MSH3: variants seen among roughly 807,000 people sequenced by gnomAD.
MSH3 encodes the protein mutS homolog 3, also known as DNA mismatch repair protein Msh3.
In MSH3, 106 loss-of-function variants were observed where a neutral mutation model predicts 123.3. The observed-to-expected ratio is 0.86, with a 90% CI of 0.73 to 1.01. The LOEUF (loss-of-function observed/expected upper bound fraction) is 1.01, where lower values mean the gene tolerates loss of function less well. MSH3 is among the 50% of genes least tolerant of loss of function. The pLI is 0.00. For synonymous variants in MSH3, 515 were observed against 481.4 expected (o/e 1.07, Z -0.91); for missense variants, 1,459 against 1,347.6 (o/e 1.08, Z -1.29).
intron 21 of MSH3, among the ~76,000 whole-genome samples, chr5:80,859,418 A>G (rs1371782539): frequency 6.6e-6 from 1 of 152,072 alleles, no homozygotes; most frequent in East Asian, 1.9e-4. Context: ...GAGCCACCTC[A>G]CCTAGCCCCT....
chr5:80,737,395 A>G (rs138530842), intron 10 of MSH3, among the ~76,000 whole-genome samples: 2 of 152,190 alleles, frequency 1.3e-5, no homozygotes, highest in Non-Finnish European at 2.9e-5. Flanking sequence ...TTTGACAAAG[A>G]TGTTTCCCTC....
At chr5:80,790,429 T>C (rs908521683) in intron 18 of MSH3, among the ~76,000 whole-genome samples, 6 of 152,214 alleles carry the variant, frequency 3.9e-5, no homozygotes, top group African/African-American at 1.4e-4. Flanking sequence ...TTTATTGGAT[T>C]GTTTTATAAA....
chr5:80,847,896 C>T (rs1745751754), intron 20 of MSH3, among the ~76,000 whole-genome samples: 1 of 152,164 alleles, frequency 6.6e-6, no homozygotes. Flanking sequence ...TTTCTCATTG[C>T]TGTTCTCAGA....
At chr5:80,818,237 A>G (rs941736802) in intron 20 of MSH3, among the ~76,000 whole-genome samples, 1 of 152,014 alleles carries the variant, frequency 6.6e-6, no homozygotes, top group Non-Finnish European at 1.5e-5. Context: ...ATCAAACTGA[A>G]ACTGTTCAGA....
Position 80,747,385 on chromosome 5 carries a change from A to G in MSH3, c.1763+2770A>G, listed in dbSNP as rs556733981. 6.6e-5 allele frequency among the ~76,000 whole-genome samples: 10 copies of G among 152,286 alleles called. No homozygotes were observed. The South Asian group carries it at 1.9e-3, about 28-fold the overall frequency. ...TCTCTGGGGATCCTACCTTCCCAGAAAGGCAGAGAGAAAATATGCCAGGCA... is the reference window on the plus strand; with the variant it reads ...TCTCTGGGGATCCTACCTTCCCAGAGAGGCAGAGAGAAAATATGCCAGGCA... On this transcript the variant is annotated intron_variant, in intron 12 of 23. Coordinates refer to ENST00000265081, the MANE Select transcript of MSH3 (RefSeq NM_002439.5).
At chr5:80,668,923 C>T (rs1226246249) in intron 3 of MSH3, among the ~76,000 whole-genome samples, 1 of 152,226 alleles carries the variant, frequency 6.6e-6, no homozygotes, top group Non-Finnish European at 1.5e-5. Flanking sequence ...CCATTTCTGG[C>T]TCCTGTCGGT....
intron 19 of MSH3, among the ~76,000 whole-genome samples, chr5:80,798,787 G>C (rs1216652257): frequency 6.6e-6 from 1 of 152,174 alleles, no homozygotes; most frequent in South Asian, 2.1e-4. Flanking sequence ...CTGCACTGCT[G>C]TCTCTGCCCA....
chr5:80,782,032 C>T (rs1320960994), intron 17 of MSH3, among the ~76,000 whole-genome samples: 2 of 152,084 alleles, frequency 1.3e-5, no homozygotes, highest in Non-Finnish European at 2.9e-5. Flanking sequence ...GCACAGCATA[C>T]AGACTTTTAT....
In MSH3 at chr5:80,728,968, A is replaced by G. The variant is rs923864884; in HGVS notation, c.1568+3A>G. ...GAAAAGATGCTCTCCAAACCTGAGT[A>G]AGTGATTCCTCCAAAATTAAAAAAA... On this transcript the variant is annotated splice_donor_region_variant and intron_variant, in intron 10 of 23. Coordinates refer to ENST00000265081, the MANE Select transcript of MSH3 (RefSeq NM_002439.5). 9 of 1,490,714 alleles carry G rather than the reference A, an allele frequency of 6.0e-6. No homozygotes were observed. In the African/African-American group the frequency reaches 6.9e-5, roughly 11 times the overall value. 92.3% of individuals were successfully genotyped at this position (1,490,714 alleles called of 1,614,324 possible).
At chr5:80,722,274 T>C (rs1437036073) in intron 8 of MSH3, among the ~76,000 whole-genome samples, 1 of 152,192 alleles carries the variant, frequency 6.6e-6, no homozygotes, top group Non-Finnish European at 1.5e-5. Context: ...TTTTCAGTTT[T>C]ATGTAGAGAC....
intron 20 of MSH3, among the ~76,000 whole-genome samples, chr5:80,824,925 T>TA (rs1745267203): frequency 6.6e-6 from 1 of 152,184 alleles, no homozygotes; most frequent in South Asian, 2.1e-4. Flanking sequence ...TGCCCTTTAG[T>TA]ATATGGGACA....
intron 3 of MSH3, among the ~76,000 whole-genome samples, chr5:80,669,655 T>C (rs1447862455): frequency 6.6e-6 from 1 of 152,186 alleles, no homozygotes; most frequent in Non-Finnish European, 1.5e-5. Context: ...GTATAAAACA[T>C]TAAGTGCAGC....
intron 8 of MSH3, among the ~76,000 whole-genome samples, chr5:80,680,260 CA>C (rs928920459): frequency 3.0e-3 from 393 of 131,698 alleles, no homozygotes; most frequent in Non-Finnish European, 2.7e-3. Context: ...ACTCTTATCT[CA>C]AAAAAAAAAA....
intron 19 of MSH3, among the ~76,000 whole-genome samples, chr5:80,797,193 C>T (rs576860657): frequency 6.6e-6 from 1 of 152,130 alleles, no homozygotes; most frequent in Admixed American, 6.5e-5. Context: ...CTCTCACATA[C>T]CCTCGCCACT....
chr5:80,742,123 C>G (rs1315514835), intron 11 of MSH3, among the ~76,000 whole-genome samples: 1 of 152,088 alleles, frequency 6.6e-6, no homozygotes, highest in African/African-American at 2.4e-5. Context: ...AATTCTCCTG[C>G]CTCAGCCTCC....
Position 80,812,768 on chromosome 5 carries a change from AG to A in MSH3, c.2656-815del, listed in dbSNP as rs1219063722. ...TAGTTGGGGTTTTGCCATGTTGGCC[AG>A]CCTGGTCTTGAACTCCTGGCCTCAA... On this transcript the variant is annotated intron_variant, in intron 19 of 23. Transcript: ENST00000265081. Among the ~76,000 whole-genome samples the A allele has an allele frequency of 7.2e-5, 11 of 152,158 alleles. No homozygotes were observed. The East Asian group carries it at 2.1e-3, about 29-fold the overall frequency.
chr5:80,661,971 A>G (rs1749443784), intron 2 of MSH3, among the ~76,000 whole-genome samples: 1 of 152,176 alleles, frequency 6.6e-6, no homozygotes, highest in Non-Finnish European at 1.5e-5. Flanking sequence ...GTAGCACACC[A>G]TTATATCGTA....
intron 17 of MSH3, among the ~76,000 whole-genome samples, chr5:80,786,835 A>G (rs1744517949): frequency 6.6e-6 from 1 of 152,236 alleles, no homozygotes; most frequent in Non-Finnish European, 1.5e-5. Context: ...TGTTTTCTGA[A>G]TAAGTTTTTC....
chr5:80,821,024 C>T (rs943872936), intron 20 of MSH3, among the ~76,000 whole-genome samples: 7 of 152,322 alleles, frequency 4.6e-5, no homozygotes, highest in Middle Eastern at 3.4e-3. Flanking sequence ...TCTCTCTCTG[C>T]AAGATGGGAT....
Sources: gnomAD v4.1 joint callset for allele counts (sites outside exome capture counted in the v4.1 genomes callset) on GRCh38, gnomAD v4.1.1 for gene constraint, MANE v1.5 for transcripts, NCBI Gene and HGNC (gene_info 2026-07-23, HGNC 2026-07-21) for gene names.